DCDC1: variants seen among roughly 807,000 people sequenced by gnomAD.
DCDC1 encodes doublecortin domain containing 1.
Under a neutral mutation model 178.3 loss-of-function variants are expected in DCDC1, and 200 were observed. The ratio of observed to expected loss-of-function variants is 1.12; its 90% CI spans 1.00 to 1.26. DCDC1 has a LOEUF of 1.26. Among genes scored for constraint, DCDC1 ranks in the 50% most tolerant of loss-of-function variants. The pLI is 0.00. For missense variants in DCDC1, 1,983 were observed against 1,749.2 expected (o/e 1.13, Z -2.38); for synonymous variants, 690 against 604.8 (o/e 1.14, Z -2.07).
intron 22 of DCDC1, among the ~76,000 whole-genome samples, chr11:30,925,805 T>A (rs1946555787): frequency 2.0e-5 from 3 of 152,162 alleles, no homozygotes; most frequent in Admixed American, 6.6e-5. Flanking sequence ...CCTAAAAAAA[T>A]TTTTCCTTGG....
intron 9 of DCDC1, among the ~76,000 whole-genome samples, chr11:31,176,338 A>G (rs208082): frequency 0.56 from 85,817 of 151,994 alleles, 25,168 homozygotes; most frequent in East Asian, 0.93. Context: ...GTCTGTTGAA[A>G]TAACTCAGTC....
At chr11:31,056,770 C>T (rs1955610653) in intron 20 of DCDC1, among the ~76,000 whole-genome samples, 1 of 152,014 alleles carries the variant, frequency 6.6e-6, no homozygotes, top group African/African-American at 2.4e-5. Context: ...AACAAGCAGA[C>T]AAAGTATCAG....
chr11:31,152,306 G>A (rs763622797), intron 9 of DCDC1, among the ~76,000 whole-genome samples: 3 of 152,176 alleles, frequency 2.0e-5, no homozygotes, highest in Non-Finnish European at 2.9e-5. Flanking sequence ...AGAGAGCTTA[G>A]TCACATGGCC....
intron 27 of DCDC1, among the ~76,000 whole-genome samples, chr11:30,914,336 C>T (rs905080027): frequency 3.3e-5 from 5 of 152,232 alleles, no homozygotes; most frequent in Non-Finnish European, 5.9e-5. Flanking sequence ...CCTCTCCTGC[C>T]CAGGCAGGGC....
At chr11:31,133,297 A>T (rs1962682056) in intron 10 of DCDC1, among the ~76,000 whole-genome samples, 1 of 152,210 alleles carries the variant, frequency 6.6e-6, no homozygotes, top group African/African-American at 2.4e-5. Flanking sequence ...TGAAATCAGC[A>T]CAAACGGTGG....
At position 30,917,037 on chromosome 11, in the gene DCDC1, G is replaced by A. The variant is rs772600611; in HGVS notation, c.3294-9C>T. ...CTCTTACGTGTGAATCTCTATCAAG[G>A]TTCAGAAGCAAACATAAGTCTAAGA... On this transcript the variant is annotated splice_polypyrimidine_tract_variant and intron_variant, in intron 25 of 38. Transcript: ENST00000684477. The A allele has an allele frequency of 1.9e-6, 3 of 1,580,216 alleles. No individual in the cohort carries two copies. The highest frequency in any genetic ancestry group is 1.4e-5 in the African/African-American group (1 of 73,422).
intron 34 of DCDC1, among the ~76,000 whole-genome samples, chr11:30,896,438 C>A (rs756190622): frequency 2.3e-4 from 35 of 152,136 alleles, no homozygotes; most frequent in Non-Finnish European, 4.0e-4. Context: ...CTAGAGAACA[C>A]AAGTGCTTTG....
At chr11:30,902,337 A>C (rs554098950) in intron 32 of DCDC1, among the ~76,000 whole-genome samples, 2 of 152,244 alleles carry the variant, frequency 1.3e-5, no homozygotes, top group Admixed American at 6.5e-5. Flanking sequence ...CGTAACCCTC[A>C]CCAGACAACC....
At chr11:30,993,950 C>T (rs290102) in intron 20 of DCDC1, among the ~76,000 whole-genome samples, 88,871 of 151,880 alleles carry the variant, frequency 0.59, 26,653 homozygotes, top group African/African-American at 0.69. Flanking sequence ...ACTCATTTTA[C>T]GAGCCAGCAT....
rs192080683 is a variant in DCDC1, at chr11:31,065,521, G to A, written c.2299-368C>T. ...AATTGTGTAGTTGCTGTATTGTTTG[G>A]AAGTATTCAATTCTGCTCTAGAAGA... On this transcript the variant is annotated intron_variant, in intron 18 of 38. Coordinates refer to ENST00000684477, the MANE Select transcript of DCDC1 (RefSeq NM_001387274.1). Among the ~76,000 whole-genome samples, 298 of 152,254 alleles carry A rather than the reference G, an allele frequency of 2.0e-3. 1 individual carries two copies. Among genetic ancestry groups the A allele is most frequent in the African/African-American group, 6.9e-3 (286 of 41,558 alleles).
At chr11:30,886,360 T>G (rs915883186) in intron 36 of DCDC1, among the ~76,000 whole-genome samples, 17 of 152,196 alleles carry the variant, frequency 1.1e-4, no homozygotes, top group African/African-American at 4.1e-4. Flanking sequence ...TATTTTATTA[T>G]TTTTCTAAAT....
At chr11:31,363,182 T>G (rs1308972941) in intron 1 of DCDC1, among the ~76,000 whole-genome samples, 1 of 152,104 alleles carries the variant, frequency 6.6e-6, no homozygotes, top group African/African-American at 2.4e-5. Context: ...TTGAAAATAT[T>G]AACCAACACT....
intron 38 of DCDC1, among the ~76,000 whole-genome samples, chr11:30,868,234 C>T (rs1421931994): frequency 1.5e-5 from 2 of 134,664 alleles, no homozygotes; most frequent in Non-Finnish European, 3.1e-5. Flanking sequence ...CATGCTCTTT[C>T]ATACCTGCTT....
rs149481122 is a variant in DCDC1 at position 31,045,597 on chromosome 11, G to C, written c.2591+18872C>G. ...TTTAAAAAACATTAACACAATTGCT[G>C]TAAGTTTAGAGAAACACTTGCTCTC... On this transcript the variant is annotated intron_variant, in intron 20 of 38. Transcript: ENST00000684477. Among the ~76,000 whole-genome samples, 302 of 152,186 alleles carry C rather than the reference G, an allele frequency of 2.0e-3. 1 individual carries two copies. Among genetic ancestry groups the C allele is most frequent in the African/African-American group, 7.0e-3 (290 of 41,530 alleles).
intron 20 of DCDC1, among the ~76,000 whole-genome samples, chr11:30,964,700 A>G (rs1949325802): frequency 6.6e-6 from 1 of 152,172 alleles, no homozygotes; most frequent in Non-Finnish European, 1.5e-5. Flanking sequence ...TATAAGTCCA[A>G]TTATATATAT....
intron 9 of DCDC1, among the ~76,000 whole-genome samples, chr11:31,150,810 TA>T (rs1303208801): frequency 6.6e-6 from 1 of 152,106 alleles, no homozygotes; most frequent in African/African-American, 2.4e-5. Context: ...CTAAAATTCA[TA>T]AAAATAGACA....
At chr11:30,894,109 C>T (rs1383216116) in intron 35 of DCDC1, 139 bp downstream of exon 35, 1 of 1,188,214 alleles carries the variant, frequency 8.4e-7, no homozygotes, top group Non-Finnish European at 1.1e-6. Context: ...CAACTCAATG[C>T]TTGGCATATG....
rs1054546238 is a variant in DCDC1, at chr11:31,161,692, CTTT to C, written c.1222-23911_1222-23909del. On this transcript the variant is annotated intron_variant, in intron 9 of 38. Transcript: ENST00000684477. Reference sequence around the variant, plus strand: ...ATCGATATACCACACTGGATTGCTTCTTTGACTAAAAAGTGGTCTTTCTTTTCA... The same window carrying C: ...ATCGATATACCACACTGGATTGCTTCGACTAAAAAGTGGTCTTTCTTTTCA... 8.3e-4 allele frequency among the ~76,000 whole-genome samples: 126 copies of C among 152,286 alleles called. 1 individual carries two copies. The highest frequency in any genetic ancestry group is 3.0e-3 in the African/African-American group (124 of 41,570).
In DCDC1 at chr11:31,091,453, A is replaced by T. The variant is rs778347144; in HGVS notation, c.2177T>A (p.Ile726Asn). The change falls in exon 17 of 39, where the codon ATC becomes AAC. Residue 726 changes from isoleucine to asparagine, a missense_variant. Coordinates refer to ENST00000684477, the MANE Select transcript of DCDC1 (RefSeq NM_001387274.1). ...TGTTCCCTCAGCAGCCTTGACTCTG[A>T]TAGGATGACCAATAGCCAGGCAGCC... is the stretch of plus-strand genomic sequence containing the variant. ...TQGCLAIGHPIRVKAAEGTSL... is the reference protein window; with the variant it reads ...TQGCLAIGHPNRVKAAEGTSL... The T allele has an allele frequency of 5.2e-6, 4 of 762,436 alleles. No individual in the cohort carries two copies. Among genetic ancestry groups the T allele is most frequent in the Admixed American group, 3.4e-5 (2 of 58,570 alleles). The allele number at this position is 762,436 out of a possible 1,614,324, so 47.2% of individuals were successfully genotyped here. A position where few individuals can be genotyped will look rare whatever the true frequency, so the allele number is the denominator to read the frequency against.
Sources: allele counts gnomAD v4.1 joint callset (sites outside exome capture counted in the v4.1 genomes callset), GRCh38; gene constraint gnomAD v4.1.1; transcripts MANE v1.5; gene names NCBI Gene and HGNC (gene_info 2026-07-23, HGNC 2026-07-21).